SOX18: variants seen among roughly 807,000 people sequenced by gnomAD.
The protein encoded by SOX18 is SRY-box transcription factor 18, also known as transcription factor SOX-18.
SOX18 carries 2 observed loss-of-function variants against 9.1 expected under a neutral mutation model. The observed-to-expected ratio is 0.22, with a 90% confidence interval of 0.09 to 0.69. SOX18 has a LOEUF of 0.69. SOX18 is among the 30% of genes least tolerant of loss of function. The pLI is 0.80. For missense variants in SOX18, 542 were observed against 567.3 expected, an observed-to-expected ratio of 0.96 and a Z score of 0.45; for synonymous variants, 292 against 280.5, an observed-to-expected ratio of 1.04 and a Z score of -0.41.
rs200411768 is a variant in SOX18, at chr20:64,049,317, T to C, written c.200A>G (p.Tyr67Cys). The C allele has an allele frequency of 5.5e-6, 8 of 1,442,584 alleles. No individual in the cohort carries two copies. The highest frequency in any genetic ancestry group is 3.5e-5 in the East Asian group (1 of 28,966). The allele number at this position is 1,442,584 out of a possible 1,614,324, so 89.4% of individuals were successfully genotyped here. A position where few individuals can be genotyped will look rare whatever the true frequency, so the allele number is the denominator to read the frequency against. Reference protein sequence around the residue: ...SPPRSPEPGRYGLSPAGRGER... With the variant: ...SPPRSPEPGRCGLSPAGRGER... ...CCCGCGGCCGGCCGGGCTGAGGCCA[T>C]AGCGCCCCGGCTCGGGGCTGCGCGG... The change falls in exon 1 of 2, where the codon TAT becomes TGT. Residue 67 changes from tyrosine to cysteine, a missense_variant. By Grantham distance (194) the Tyr-to-Cys change is radical (BLOSUM62 -2). Coordinates refer to ENST00000340356, the MANE Select transcript of SOX18 (RefSeq NM_018419.3).
Position 64,048,768 on chromosome 20 carries a change from C to T in SOX18, c.553G>A (p.Glu185Lys), listed in dbSNP as rs1305630681. 1.3e-6 allele frequency: 2 copies of T among 1,490,978 alleles called. No homozygotes were observed. Among genetic ancestry groups the T allele is most frequent in the East Asian group, 2.8e-5 (1 of 36,110 alleles). The allele number at this position is 1,490,978 out of a possible 1,614,324, so 92.4% of individuals were successfully genotyped here. A position where few individuals can be genotyped will look rare whatever the true frequency, so the allele number is the denominator to read the frequency against. The change falls in exon 2 of 2, where the codon GAG becomes AAG. Residue 185 changes from glutamate to lysine, a missense_variant. Coordinates refer to ENST00000340356, the MANE Select transcript of SOX18 (RefSeq NM_018419.3). Reference sequence around the variant, plus strand: ...GAGCCAGACGCCGCGGGGAAAGGCTCGGGCGGTGGCTGCGGGGGCGCTAAT... The same window carrying T: ...GAGCCAGACGCCGCGGGGAAAGGCTTGGGCGGTGGCTGCGGGGGCGCTAAT... ...PGLAPPQPPP[E>K]PFPAASGSAR...
chr20:64,047,873 C>G lies in SOX18; in HGVS notation c.*293G>C. 1 of 510,824 alleles carries G rather than the reference C, an allele frequency of 2.0e-6. No homozygotes were observed. The highest frequency in any genetic ancestry group is 3.5e-6 in the Non-Finnish European group (1 of 287,596). The allele number at this position is 510,824 out of a possible 1,614,324, so 31.6% of individuals were successfully genotyped here. On this transcript the variant is annotated 3_prime_UTR_variant, in exon 2 of 2. Transcript: ENST00000340356. Reference sequence around the variant, plus strand: ...GAGCAGGTGCTTCAAAAATGTAACCCTGGCAACTCTGCCAACAGGTCCTGG... The same window carrying G: ...GAGCAGGTGCTTCAAAAATGTAACCGTGGCAACTCTGCCAACAGGTCCTGG...
In SOX18 at chr20:64,048,078, TGA is replaced by T. The variant is rs780660913; in HGVS notation, c.*86_*87del. ...ACATGGAACCAAACATACACGCGTA[TGA>T]GAGAGCAGAGCGGCAGCGACGCGGT... On this transcript the variant is annotated 3_prime_UTR_variant, in exon 2 of 2. Transcript: ENST00000340356. 9.8e-4 allele frequency: 1,230 copies of T among 1,249,286 alleles called. No individual in the cohort carries two copies. The highest frequency in any genetic ancestry group is 1.3e-3 in the Non-Finnish European group (1,176 of 888,372). The allele number at this position is 1,249,286 out of a possible 1,614,324, so 77.4% of individuals were successfully genotyped here.
chr20:64,048,148 C>A lies in SOX18; in HGVS notation c.*18G>T. 6.5e-7 allele frequency: 1 copy of A among 1,536,484 alleles called. No homozygotes were observed. Among genetic ancestry groups the A allele is most frequent in the Non-Finnish European group, 8.7e-7 (1 of 1,146,332 alleles). ...CTGCGGGAGGAAGCGCTGCAGGGAC[C>A]CGGGCGGCGCCGGCGGCCTAGCCGG... On this transcript the variant is annotated 3_prime_UTR_variant, in exon 2 of 2. Transcript: ENST00000340356.
rs1036658625 is a variant in SOX18 at position 64,047,627 on chromosome 20, G to C, written c.*539C>G. 1 of 152,496 alleles carries C rather than the reference G, an allele frequency of 6.6e-6. No individual in the cohort carries two copies. Among genetic ancestry groups the C allele is most frequent in the Non-Finnish European group, 1.5e-5 (1 of 68,298 alleles). 9.4% of individuals were successfully genotyped at this position (152,496 alleles called of 1,614,324 possible). On this transcript the variant is annotated 3_prime_UTR_variant, in exon 2 of 2. Transcript: ENST00000340356. ...ATTTATTGTGGCCTCTCCGTCCGGGGACCCAGCTCCAGGCTCCTCCTTTAT... is the reference window on the plus strand; with the variant it reads ...ATTTATTGTGGCCTCTCCGTCCGGGCACCCAGCTCCAGGCTCCTCCTTTAT...
In SOX18 at chr20:64,048,897, G is replaced by A; in HGVS notation, c.424C>T (p.Arg142Cys). Residue 142 changes from arginine to cysteine, a missense_variant, in exon 2 of 2, where the codon CGC (arginine) becomes TGC (cysteine). Physicochemically the swap from Arg to Cys is radical, Grantham distance 180. Transcript: ENST00000340356. ...RPFVEEAERLRVQHLRDHPNY... is the reference protein window; with the variant it reads ...RPFVEEAERLCVQHLRDHPNY... ...GGGTGGTCGCGCAAGTGCTGCACGC[G>A]CAGCCGTTCGGCTTCCTCCACGAAG... 6.3e-7 allele frequency: 1 copy of A among 1,596,020 alleles called. No homozygotes were observed. The highest frequency in any genetic ancestry group is 1.4e-5 in the African/African-American group (1 of 73,780).
At position 64,048,863 on chromosome 20, in the gene SOX18, T is replaced by C. The variant is rs759416192; in HGVS notation, c.458A>G (p.Lys153Arg). 1 of 1,591,244 alleles carries C rather than the reference T, an allele frequency of 6.3e-7. No homozygotes were observed. Among genetic ancestry groups the C allele is most frequent in the South Asian group, 1.1e-5 (1 of 89,832 alleles). Residue 153 changes from lysine to arginine, a missense_variant, in exon 2 of 2, where the codon AAG (lysine) becomes AGG (arginine). Coordinates refer to ENST00000340356, the MANE Select transcript of SOX18 (RefSeq NM_018419.3). Reference sequence around the variant, plus strand: ...CTGCTTCTTGCGGCGCGGCCGGTACTTGTAGTTGGGGTGGTCGCGCAAGTG... The same window carrying C: ...CTGCTTCTTGCGGCGCGGCCGGTACCTGTAGTTGGGGTGGTCGCGCAAGTG... ...VQHLRDHPNY[K>R]YRPRRKKQAR... is the part of the protein sequence containing the mutation.
chr20:64,048,647 G>A lies in SOX18; in HGVS notation c.674C>T (p.Pro225Leu). ...CGGTGGGAAGAAGGCAGCCTCGCCGGGCTCCAGGCCGTCCAGAGGCGAGCG... is the reference window on the plus strand; with the variant it reads ...CGGTGGGAAGAAGGCAGCCTCGCCGAGCTCCAGGCCGTCCAGAGGCGAGCG... ...PERSPLDGLE[P>L]GEAAFFPPPA... The change falls in exon 2 of 2, where the codon CCC (proline) becomes CTC (leucine). Residue 225 changes from proline (P) to leucine (L), a missense_variant. Coordinates refer to ENST00000340356, the MANE Select transcript of SOX18 (RefSeq NM_018419.3). 7.9e-7 allele frequency: 1 copy of A among 1,267,322 alleles called. No homozygotes were observed. The allele number at this position is 1,267,322 out of a possible 1,614,324, so 78.5% of individuals were successfully genotyped here.
chr20:64,048,435 G>C lies in SOX18; in HGVS notation c.886C>G (p.Pro296Ala). Residue 296 changes from proline to alanine, a missense_variant, in exon 2 of 2, where the codon CCG (proline) becomes GCG (alanine). Transcript: ENST00000340356. ...GGGGCCTCGGGCGGCGGCGACAGCG[G>C]GCCGGGGTACGGGCCGGGCGTGCCC... is the stretch of plus-strand genomic sequence containing the variant. ...TLGTPGPYPGPLSPPPEAPPL... is the reference protein window; with the variant it reads ...TLGTPGPYPGALSPPPEAPPL... The C allele has an allele frequency of 7.1e-7, 1 of 1,411,232 alleles. No individual in the cohort carries two copies. The highest frequency in any genetic ancestry group is 9.2e-7 in the Non-Finnish European group (1 of 1,091,930). The allele number at this position is 1,411,232 out of a possible 1,614,324, so 87.4% of individuals were successfully genotyped here. A position where few individuals can be genotyped will look rare whatever the true frequency, so the allele number is the denominator to read the frequency against.
intron 1 of SOX18, 35 bp from the exon 2 acceptor site, chr20:64,048,997 T>G (rs2145417585): frequency 6.5e-7 from 1 of 1,549,172 alleles, no homozygotes; most frequent in African/African-American, 1.4e-5. Flanking sequence ...TGGAACGCCG[T>G]CGGGCGGGTG....
intron 1 of SOX18, 66 bp downstream of exon 1, chr20:64,049,093 C>CA (rs2059416491): frequency 5.3e-6 from 5 of 951,936 alleles, no homozygotes; most frequent in Non-Finnish European, 6.8e-6. Flanking sequence ...CCTGCCCCCC[C>CA]CGCCCCACCC....
Position 64,048,586 on chromosome 20 carries a change from G to C in SOX18, c.735C>G (p.Phe245Leu). Residue 245 changes from phenylalanine to leucine, a missense_variant, in exon 2 of 2, where the codon TTC (phenylalanine) becomes TTG (leucine). Transcript: ENST00000340356. ...ACTCGGTGGGCGCGTAGGGCGCGCG[G>C]AAGGGCCGCAGCGCGCAGTCCTCGG... ...AAPEDCALRP[F>L]RAPYAPTELS... 8.1e-7 allele frequency: 1 copy of C among 1,231,748 alleles called. No individual in the cohort carries two copies. The highest frequency in any genetic ancestry group is 1.0e-6 in the Non-Finnish European group (1 of 989,470). 76.3% of individuals were successfully genotyped at this position (1,231,748 alleles called of 1,614,324 possible). A position where few individuals can be genotyped will look rare whatever the true frequency, so the allele number is the denominator to read the frequency against.
In SOX18 at chr20:64,048,220, G is replaced by A. The variant is rs751889381; in HGVS notation, c.1101C>T (p.Ser367=). 12 of 1,584,294 alleles carry A rather than the reference G, an allele frequency of 7.6e-6. No individual in the cohort carries two copies. The Admixed American group carries it at 2.1e-4, about 28-fold the overall frequency. ...MSCPEESSLI[S]ALSDASSAVY... is the part of the protein sequence containing the mutation. ...CCGCGCTGCTGGCGTCCGACAGCGC[G>A]GAGATCAGGCTGCTCTCCTCTGGGC... Residue 367 remains serine (S), a synonymous_variant, in exon 2 of 2, where the codon TCC becomes TCT. Coordinates refer to ENST00000340356, the MANE Select transcript of SOX18 (RefSeq NM_018419.3).
At position 64,047,923 on chromosome 20, in the gene SOX18, G is replaced by T. The variant is rs1325620959; in HGVS notation, c.*243C>A. The T allele has an allele frequency of 5.3e-6, 3 of 569,292 alleles. No homozygotes were observed. Among genetic ancestry groups the T allele is most frequent in the South Asian group, 4.2e-5 (2 of 47,082 alleles). The allele number at this position is 569,292 out of a possible 1,614,324, so 35.3% of individuals were successfully genotyped here. Reference sequence around the variant, plus strand: ...GGCTCGGGCTTCCTGGAAAAGCCCCGGGACACGTGGGAACTCCAGGCACCC... The same window carrying T: ...GGCTCGGGCTTCCTGGAAAAGCCCCTGGACACGTGGGAACTCCAGGCACCC... On this transcript the variant is annotated 3_prime_UTR_variant, in exon 2 of 2. Transcript: ENST00000340356.
rs534836305 is a variant in SOX18, at chr20:64,048,319, G to C, written c.1002C>G (p.Ser334Arg). 2.3e-5 allele frequency: 36 copies of C among 1,592,528 alleles called. No homozygotes were observed. The East Asian group carries it at 7.6e-4, about 33-fold the overall frequency. Reference sequence around the variant, plus strand: ...GCCCGGGGGCGTCGGGCCGAGTCCGGCTGCAGTTGAGGTACTGGTCGAACT... The same window carrying C: ...GCCCGGGGGCGTCGGGCCGAGTCCGCCTGCAGTTGAGGTACTGGTCGAACT... ...LTEFDQYLNCSRTRPDAPGLP... is the reference protein window; with the variant it reads ...LTEFDQYLNCRRTRPDAPGLP... The change falls in exon 2 of 2, where the codon AGC (serine) becomes AGG (arginine). Residue 334 changes from serine to arginine, a missense_variant. Physicochemically the swap from Ser to Arg is moderately radical, Grantham distance 110. Coordinates refer to ENST00000340356, the MANE Select transcript of SOX18 (RefSeq NM_018419.3).
At position 64,048,546 on chromosome 20, in the gene SOX18, CG is replaced by C; in HGVS notation, c.774del (p.Gly259AlafsTer107). On this transcript the variant is annotated frameshift_variant, in exon 2 of 2. Coordinates refer to ENST00000340356, the MANE Select transcript of SOX18 (RefSeq NM_018419.3). LOFTEE classifies it low-confidence loss of function (END_TRUNC). ...GCCAGGGGAGCCCCGTAGCAACCGCCGGGGTCCCGCGACAACTCGGTGGGCG... is the reference window on the plus strand; with the variant it reads ...GCCAGGGGAGCCCCGTAGCAACCGCCGGGTCCCGCGACAACTCGGTGGGCG... The part of the protein sequence containing the change: ...PYAPTELSRD[P>X]GGCYGAPLAE... 1 of 1,221,640 alleles carries C rather than the reference CG, an allele frequency of 8.2e-7. No individual in the cohort carries two copies. The highest frequency in any genetic ancestry group is 1.0e-6 in the Non-Finnish European group (1 of 983,000). The allele number at this position is 1,221,640 out of a possible 1,614,324, so 75.7% of individuals were successfully genotyped here. A position where few individuals can be genotyped will look rare whatever the true frequency, so the allele number is the denominator to read the frequency against.
At chr20:64,048,993 G>A (rs771844017) in intron 1 of SOX18, 31 bp from the exon 2 acceptor site, 3 of 1,553,312 alleles carry the variant, frequency 1.9e-6, no homozygotes, top group South Asian at 2.3e-5. Context: ...TGAGTGGAAC[G>A]CCGTCGGGCG....
Position 64,047,886 on chromosome 20 carries a change from C to CGTCTCATTAAAA in SOX18, c.*279_*280insTTTTAATGAGAC. The CGTCTCATTAAAA allele has an allele frequency of 1.9e-6, 1 of 531,850 alleles. No homozygotes were observed. Among genetic ancestry groups the CGTCTCATTAAAA allele is most frequent in the Non-Finnish European group, 3.3e-6 (1 of 299,434 alleles). The allele number at this position is 531,850 out of a possible 1,614,324, so 32.9% of individuals were successfully genotyped here. ...AAAAATGTAACCCTGGCAACTCTGCCAACAGGTCCTGGGCTCGGGCTTCCT... is the reference window on the plus strand; with the variant it reads ...AAAAATGTAACCCTGGCAACTCTGCCGTCTCATTAAAAAACAGGTCCTGGGCTCGGGCTTCCT... On this transcript the variant is annotated 3_prime_UTR_variant, in exon 2 of 2. Transcript: ENST00000340356.
At chr20:64,049,095 GC>G in intron 1 of SOX18, 63 bp downstream of exon 1, 1 of 281,810 alleles carries the variant, frequency 3.5e-6, no homozygotes, top group Non-Finnish European at 4.5e-6. Context: ...TGCCCCCCCC[GC>G]CCCACCCCGG....
Sources: allele counts gnomAD v4.1 joint callset, GRCh38; gene constraint gnomAD v4.1.1; transcripts MANE v1.5; gene names NCBI Gene and HGNC (gene_info 2026-07-23, HGNC 2026-07-21).